The following TMEM116 variants were observed in gnomAD, a reference collection of about 807,000 sequenced individuals.
TMEM116 encodes transmembrane protein 116.
Under a neutral mutation model 44.3 loss-of-function variants are expected in TMEM116, and 38 were observed. The ratio of observed to expected loss-of-function variants is 0.86; its 90% CI spans 0.66 to 1.12. The LOEUF is 1.12. Among genes scored for constraint, TMEM116 ranks in the 50% most tolerant of loss-of-function variants. The probability of loss-of-function intolerance (pLI) is 0.00; values close to 1 mark genes in which losing one functional copy is unlikely to be tolerated. For synonymous variants in TMEM116, 132 were observed against 144.8 expected, an observed-to-expected ratio of 0.91 and a Z score of 0.64; for missense variants, 354 against 401.7, an observed-to-expected ratio of 0.88 and a Z score of 1.01.
intron 3 of TMEM116, among the ~76,000 whole-genome samples, chr12:112,003,398 C>T (rs1033380045): frequency 6.6e-6 from 1 of 152,108 alleles, no homozygotes; most frequent in African/African-American, 2.4e-5. Flanking sequence ...GAAACCCTGT[C>T]TCTACCAAAA....
intron 5 of TMEM116, 105 bp from the exon 6 acceptor site, chr12:111,938,315 A>C: frequency 1.2e-6 from 1 of 823,714 alleles, no homozygotes; most frequent in South Asian, 2.6e-5. Context: ...AGATTTCCAA[A>C]AGCCAGTTTG....
rs1431633903 is a variant in TMEM116 at position 111,938,733 on chromosome 12, C to T, written c.316-523G>A. On this transcript the variant is annotated intron_variant, in intron 5 of 10. Coordinates refer to ENST00000552374, the MANE Select transcript of TMEM116 (RefSeq NM_001193531.2). ...GGATATAAGACTGTTAGACACTACA[C>T]GATAGAACATTTTCAAAATCTTGAC... Among the ~76,000 whole-genome samples, 8 of 152,054 alleles carry T rather than the reference C, an allele frequency of 5.3e-5. No homozygotes were observed. The East Asian group carries it at 7.7e-4, about 15-fold the overall frequency.
intron 9 of TMEM116, among the ~76,000 whole-genome samples, chr12:111,933,506 T>G (rs1347965347): frequency 6.7e-6 from 1 of 149,614 alleles, no homozygotes; most frequent in Admixed American, 6.7e-5. Flanking sequence ...TTTTTTTTTT[T>G]GAGATGGAGT....
chr12:111,995,883 T>C (rs1489910950), intron 3 of TMEM116, among the ~76,000 whole-genome samples: 2 of 150,692 alleles, frequency 1.3e-5, no homozygotes, highest in Admixed American at 1.3e-4. Flanking sequence ...AAATAAAAAA[T>C]AAAAAAATTA....
chr12:111,950,495 T>C (rs2073643678), intron 4 of TMEM116, among the ~76,000 whole-genome samples: 1 of 151,268 alleles, frequency 6.6e-6, no homozygotes, highest in South Asian at 2.1e-4. Flanking sequence ...AAAAATCCTT[T>C]AGAACAGGAT....
At chr12:111,965,902 C>T (rs570879299) in intron 4 of TMEM116, 1 of 170,308 alleles carries the variant, frequency 5.9e-6, no homozygotes, top group South Asian at 1.1e-4. Context: ...TGCCACTGCA[C>T]TCCAGCCTGG....
At position 112,013,132 on chromosome 12, in the gene TMEM116, G is replaced by C. The variant is rs560359196; in HGVS notation, c.-164C>G. ...TGCTATAGCGTCCCCATGCGCACTT[G>C]GCGCTTCTCCTCAAGCGGAGCAGGA... On this transcript the variant is annotated 5_prime_UTR_variant, in exon 1 of 11. Transcript: ENST00000552374. 1.3e-5 allele frequency: 4 copies of C among 306,086 alleles called. No individual in the cohort carries two copies. The highest frequency in any genetic ancestry group is 6.5e-5 in the African/African-American group (3 of 46,446). 19.0% of individuals were successfully genotyped at this position (306,086 alleles called of 1,614,324 possible).
At chr12:111,953,157 C>T (rs925756581) in intron 4 of TMEM116, among the ~76,000 whole-genome samples, 1 of 152,054 alleles carries the variant, frequency 6.6e-6, no homozygotes, top group Non-Finnish European at 1.5e-5. Flanking sequence ...CAAAATTAAA[C>T]TTAACAATAG....
intron 5 of TMEM116, among the ~76,000 whole-genome samples, chr12:111,940,686 T>C (rs1367621273): frequency 6.6e-6 from 1 of 151,880 alleles, no homozygotes; most frequent in Non-Finnish European, 1.5e-5. Flanking sequence ...TAGGATACCA[T>C]ATTTGAGAGC....
chr12:112,005,244 T>C lies in TMEM116; in HGVS notation c.14+13A>G. 7.3e-7 allele frequency: 1 copy of C among 1,374,962 alleles called. No individual in the cohort carries two copies. The highest frequency in any genetic ancestry group is 9.3e-7 in the Non-Finnish European group (1 of 1,070,094). 85.2% of individuals were successfully genotyped at this position (1,374,962 alleles called of 1,614,324 possible). ...TTATACTAGTTTAGTTATATGAGAT[T>C]AAATAAACATACCTCAGAGTAGCCA... On this transcript the variant is annotated intron_variant, in intron 2 of 10. Transcript: ENST00000552374.
intron 5 of TMEM116, among the ~76,000 whole-genome samples, chr12:111,940,857 C>A (rs2072754370): frequency 6.6e-6 from 1 of 151,982 alleles, no homozygotes; most frequent in Admixed American, 6.6e-5. Context: ...ATAAGTCTCA[C>A]AAGCTACAGT....
At chr12:111,970,721 G>A (rs1340544333) in intron 4 of TMEM116, among the ~76,000 whole-genome samples, 1 of 151,796 alleles carries the variant, frequency 6.6e-6, no homozygotes, top group Non-Finnish European at 1.5e-5. Flanking sequence ...TGAGTAGCTG[G>A]GACTACAGGC....
intron 4 of TMEM116, among the ~76,000 whole-genome samples, chr12:111,961,597 A>C (rs890860271): frequency 2.6e-5 from 4 of 152,252 alleles, no homozygotes; most frequent in Non-Finnish European, 2.9e-5. Context: ...GATGCAGAAA[A>C]GGACTTTGAC....
At chr12:111,941,495 AAATT>A (rs1410371331) in intron 5 of TMEM116, among the ~76,000 whole-genome samples, 1 of 152,182 alleles carries the variant, frequency 6.6e-6, no homozygotes, top group Non-Finnish European at 1.5e-5. Flanking sequence ...AATTAAATTA[AAATT>A]AATTAAAATT....
chr12:111,986,294 G>C (rs2076225665), intron 4 of TMEM116, among the ~76,000 whole-genome samples: 1 of 152,158 alleles, frequency 6.6e-6, no homozygotes, highest in Non-Finnish European at 1.5e-5. Context: ...AGAAGGTTGA[G>C]GCTGCAGTGA....
intron 6 of TMEM116, 140 bp downstream of exon 6, chr12:111,938,021 G>A (rs2072313423): frequency 6.4e-6 from 3 of 467,020 alleles, no homozygotes; most frequent in Non-Finnish European, 7.7e-6. Flanking sequence ...CAATGAACAC[G>A]TATTTGTTGT....
At chr12:111,935,630 G>GTA (rs2072087798) in intron 8 of TMEM116, 1 of 151,878 alleles carries the variant, frequency 6.6e-6, no homozygotes, top group Admixed American at 6.7e-5. Context: ...GTGTGTGTGT[G>GTA]TGTGTGTGTG....
chr12:111,991,930 C>A, intron 3 of TMEM116, 41 bp from the exon 4 acceptor site: 1 of 1,517,524 alleles, frequency 6.6e-7, no homozygotes. Flanking sequence ...TGTGATGTAG[C>A]TAGGAGAATG....
intron 4 of TMEM116, among the ~76,000 whole-genome samples, chr12:111,948,884 G>A (rs1050183202): frequency 6.6e-6 from 1 of 151,906 alleles, no homozygotes; most frequent in Non-Finnish European, 1.5e-5. Flanking sequence ...TTTGAGACCA[G>A]CCTGGACAAC....
Sources: gnomAD v4.1 joint callset for allele counts (sites outside exome capture counted in the v4.1 genomes callset) on GRCh38, gnomAD v4.1.1 for gene constraint, MANE v1.5 for transcripts, NCBI Gene and HGNC (gene_info 2026-07-23, HGNC 2026-07-21) for gene names.